Variants in CACNB1 observed in about 807,000 individuals in gnomAD.
The protein encoded by CACNB1 is voltage-dependent L-type calcium channel subunit beta-1.
In CACNB1, 29 loss-of-function variants were observed where a neutral mutation model predicts 71.6. That is an observed-to-expected ratio of 0.40 (90% CI 0.30 to 0.55). CACNB1 has a LOEUF of 0.55. Ranked by LOEUF, CACNB1 falls within the 20% of genes least tolerant of loss-of-function variation. The probability of loss-of-function intolerance (pLI) is 0.38; values close to 1 mark genes in which losing one functional copy is unlikely to be tolerated. For synonymous variants in CACNB1, 300 were observed against 319.6 expected (o/e 0.94, Z 0.65); for missense variants, 623 against 801.8 (o/e 0.78, Z 2.69).
At chr17:39,180,971 A>C (rs2045742040) in intron 11 of CACNB1, among the ~76,000 whole-genome samples, 1 of 152,236 alleles carries the variant, frequency 6.6e-6, no homozygotes, top group Non-Finnish European at 1.5e-5. Context: ...ATATTCAAAA[A>C]ATAAGATTTT....
chr17:39,180,659 CAA>C (rs200675636), intron 11 of CACNB1, among the ~76,000 whole-genome samples: 1 of 135,264 alleles, frequency 7.4e-6, no homozygotes. Context: ...CGTCCCCCCT[CAA>C]AAAAAAAAAG....
chr17:39,193,514 G>C lies in CACNB1; in HGVS notation c.171+1370C>G, dbSNP rs113985036. Reference sequence around the variant, plus strand: ...TCAGTGCCTGGCCCTGCTGGCCTAGGGGGTGGCCCAAACTGCCCGTTCCCT... The same window carrying C: ...TCAGTGCCTGGCCCTGCTGGCCTAGCGGGTGGCCCAAACTGCCCGTTCCCT... On this transcript the variant is annotated intron_variant, in intron 2 of 13. Transcript: ENST00000394303. 1.4e-3 allele frequency: 605 copies of C among 444,468 alleles called. 2 individuals are homozygous for C. Among genetic ancestry groups the C allele is most frequent in the Non-Finnish European group, 2.4e-3 (529 of 222,116 alleles). 27.5% of individuals were successfully genotyped at this position (444,468 alleles called of 1,614,324 possible).
chr17:39,178,777 T>C (rs768930349), intron 11 of CACNB1, among the ~76,000 whole-genome samples: 2 of 152,212 alleles, frequency 1.3e-5, no homozygotes, highest in Non-Finnish European at 2.9e-5. Context: ...ACATGATCAA[T>C]TGAGTCCTGA....
At chr17:39,178,507 G>C (rs547608610) in intron 11 of CACNB1, among the ~76,000 whole-genome samples, 4 of 151,584 alleles carry the variant, frequency 2.6e-5, no homozygotes, top group Middle Eastern at 6.3e-3. Flanking sequence ...AGCCTCCTCA[G>C]TAACTAGGGC....
In CACNB1 at chr17:39,177,367, G is replaced by A; in HGVS notation, c.1315C>T (p.Pro439Ser). Reference protein sequence around the residue: ...ATAALAASPAPVSNLQGPYLA... With the variant: ...ATAALAASPASVSNLQGPYLA... Reference sequence around the variant, plus strand: ...ACCTGTACCTGGAGGTTGGAGACAGGGGCAGGGCTGGCAGCCAGGGCTGCG... The same window carrying A: ...ACCTGTACCTGGAGGTTGGAGACAGAGGCAGGGCTGGCAGCCAGGGCTGCG... Residue 439 changes from proline (P) to serine (S), a missense_variant, in exon 13 of 14, where the codon CCT becomes TCT. Physicochemically the swap from Pro to Ser is moderately conservative, Grantham distance 74. Coordinates refer to ENST00000394303, the MANE Select transcript of CACNB1 (RefSeq NM_000723.5). 1 of 1,613,324 alleles carries A rather than the reference G, an allele frequency of 6.2e-7. No individual in the cohort carries two copies. The highest frequency in any genetic ancestry group is 8.5e-7 in the Non-Finnish European group (1 of 1,179,742).
intron 11 of CACNB1, 83 bp from the exon 12 acceptor site, chr17:39,178,162 T>C: frequency 9.8e-7 from 1 of 1,022,498 alleles, no homozygotes; most frequent in African/African-American, 1.6e-5. Flanking sequence ...CCTGGTTGGA[T>C]CAGCATGGAG....
intron 8 of CACNB1, 138 bp from the exon 9 acceptor site, chr17:39,184,521 GT>G (rs1011063600): frequency 9.2e-6 from 6 of 655,118 alleles, no homozygotes; most frequent in Non-Finnish European, 1.4e-5. Flanking sequence ...GGGGGTCTGA[GT>G]CTGAGGGGCC....
intron 11 of CACNB1, among the ~76,000 whole-genome samples, chr17:39,182,424 G>A (rs1370031202): frequency 6.6e-6 from 1 of 151,990 alleles, no homozygotes; most frequent in East Asian, 1.9e-4. Flanking sequence ...GAGTAGGCTG[G>A]GTGCGGTAGC....
At chr17:39,187,366 G>A in intron 4 of CACNB1, 113 bp downstream of exon 4, 1 of 1,226,084 alleles carries the variant, frequency 8.2e-7, no homozygotes. Flanking sequence ...TTTGTCTAAG[G>A]TCACACAGCA....
chr17:39,185,901 G>A (rs776257192), intron 6 of CACNB1: 1 of 1,580,696 alleles, frequency 6.3e-7, no homozygotes, highest in Non-Finnish European at 8.6e-7. Flanking sequence ...CTCCACCAAA[G>A]TGCTGGCCCT....
At chr17:39,192,028 C>T (rs2046093037) in intron 2 of CACNB1, 1 of 206,370 alleles carries the variant, frequency 4.8e-6, no homozygotes, top group South Asian at 7.2e-5. Context: ...TCGGCCTGAG[C>T]TCTCTGCACT....
intron 13 of CACNB1, among the ~76,000 whole-genome samples, chr17:39,176,164 G>T (rs1399440118): frequency 2.6e-5 from 4 of 152,058 alleles, no homozygotes; most frequent in Non-Finnish European, 5.9e-5. Flanking sequence ...CCATTCCCTA[G>T]TCGGATGACA....
In CACNB1 at chr17:39,191,015, T is replaced by C. The variant is rs559778942; in HGVS notation, c.291+459A>G. ...GTCAGGAGATCGAGACCATCCTGGCTAACATGGTGAAACCCCGTCTCTACT... is the reference window on the plus strand; with the variant it reads ...GTCAGGAGATCGAGACCATCCTGGCCAACATGGTGAAACCCCGTCTCTACT... On this transcript the variant is annotated intron_variant, in intron 3 of 13. Coordinates refer to ENST00000394303, the MANE Select transcript of CACNB1 (RefSeq NM_000723.5). Among the ~76,000 whole-genome samples, 8 of 151,576 alleles carry C rather than the reference T, an allele frequency of 5.3e-5. No homozygotes were observed. The South Asian group carries it at 6.3e-4, about 12-fold the overall frequency.
At chr17:39,190,675 A>AAGC (rs1327729662) in intron 3 of CACNB1, among the ~76,000 whole-genome samples, 1 of 151,608 alleles carries the variant, frequency 6.6e-6, no homozygotes, top group Non-Finnish European at 1.5e-5. Context: ...TGATCCGCCC[A>AAGC]ACCGGGCCTC....
chr17:39,191,195 C>T (rs1238377859), intron 3 of CACNB1, among the ~76,000 whole-genome samples: 1 of 152,102 alleles, frequency 6.6e-6, no homozygotes, highest in Non-Finnish European at 1.5e-5. Flanking sequence ...CAGAGCAAGA[C>T]TGCAACTCAA....
chr17:39,191,940 C>A, intron 2 of CACNB1: 1 of 308,814 alleles, frequency 3.2e-6, no homozygotes, highest in Non-Finnish European at 6.0e-6. Flanking sequence ...CTCCTTCCCT[C>A]CCCTGCCCCC....
At chr17:39,190,973 G>T (rs559380454) in intron 3 of CACNB1, among the ~76,000 whole-genome samples, 1 of 151,986 alleles carries the variant, frequency 6.6e-6, no homozygotes, top group Non-Finnish European at 1.5e-5. Flanking sequence ...GGGAGGCTGA[G>T]GGGGGCGGAT....
Position 39,186,691 on chromosome 17 carries a change from C to T in CACNB1, c.551+102G>A. The T allele has an allele frequency of 6.5e-7, 1 of 1,546,772 alleles. No individual in the cohort carries two copies. The highest frequency in any genetic ancestry group is 1.2e-5 in the South Asian group (1 of 86,010). ...GCCCCACTGGTGATGCCACAGGCAG[C>T]TCTGTGCCCTCAGGGCCAGGGACAA... On this transcript the variant is annotated intron_variant, in intron 5 of 13. Transcript: ENST00000394303. This position sits in a 1 kb window ranked among gnomAD's most constrained non-coding sequence, Gnocchi z 4.1.
chr17:39,185,916 C>A, intron 6 of CACNB1: 1 of 1,598,480 alleles, frequency 6.3e-7, no homozygotes, highest in Non-Finnish European at 8.5e-7. Context: ...GGCCCTGACT[C>A]CCCCACCTCT....
Sources: gnomAD v4.1 joint callset for allele counts (sites outside exome capture counted in the v4.1 genomes callset) on GRCh38, gnomAD v4.1.1 for gene constraint, Gnocchi (gnomAD v3.1) non-coding constraint, MANE v1.5 for transcripts, NCBI Gene and HGNC (gene_info 2026-07-23, HGNC 2026-07-21) for gene names.